The following SPATA6 variants were observed in gnomAD, a reference collection of about 807,000 sequenced individuals.
The protein encoded by SPATA6 is spermatogenesis associated 6, also known as spermatogenesis-associated protein 6.
In SPATA6, 56 loss-of-function variants were observed where a neutral mutation model predicts 65.3. The observed-to-expected ratio is 0.86, with a 90% CI of 0.69 to 1.07. The LOEUF (loss-of-function observed/expected upper bound fraction) is 1.07. Among genes scored for constraint, SPATA6 ranks in the 50% least tolerant of loss-of-function variants. SPATA6 has a pLI of 0.00. For missense variants in SPATA6, 590 were observed against 594.8 expected, an observed-to-expected ratio of 0.99 and a Z score of 0.08; for synonymous variants, 199 against 213.2, an observed-to-expected ratio of 0.93 and a Z score of 0.58.
intron 5 of SPATA6, among the ~76,000 whole-genome samples, chr1:48,409,604 C>T (rs758621175): frequency 6.6e-5 from 10 of 152,248 alleles, no homozygotes; most frequent in South Asian, 2.1e-4. Flanking sequence ...ATGAGCACCT[C>T]GCCCCTGCAG....
chr1:48,368,898 C>T (rs1388211410), intron 9 of SPATA6, among the ~76,000 whole-genome samples: 6 of 152,182 alleles, frequency 3.9e-5, no homozygotes, highest in African/African-American at 7.2e-5. Flanking sequence ...AGTTTTTCTG[C>T]TCTGTTTTTT....
chr1:48,388,993 C>A (rs1402065533), intron 8 of SPATA6, among the ~76,000 whole-genome samples: 1 of 152,080 alleles, frequency 6.6e-6, no homozygotes, highest in African/African-American at 2.4e-5. Context: ...TCAAGCAGCT[C>A]TCCTTCCTCA....
At chr1:48,399,208 C>T (rs1194929374) in intron 7 of SPATA6, 143 bp downstream of exon 7, 4 of 961,354 alleles carry the variant, frequency 4.2e-6, no homozygotes, top group Non-Finnish European at 5.9e-6. Flanking sequence ...AAATTAATTT[C>T]CCATCTTAGA....
chr1:48,303,670 C>T (rs1644992827), intron 12 of SPATA6, among the ~76,000 whole-genome samples: 1 of 152,118 alleles, frequency 6.6e-6, no homozygotes, highest in African/African-American at 2.4e-5. Flanking sequence ...CACTGATGGG[C>T]ACTTAGGTTG....
At chr1:48,292,356 T>C (rs1644773471), downstream of SPATA6, among the ~76,000 whole-genome samples, 1 of 152,214 alleles carries the variant, frequency 6.6e-6, no homozygotes. Flanking sequence ...CCACAACATT[T>C]GGCAACTATG....
chr1:48,283,199 G>T, the SPATA6 span, among the ~76,000 whole-genome samples: 3 of 103,760 alleles, frequency 2.9e-5, no homozygotes, highest in African/African-American at 3.9e-5. Context: ...GGGGGGAGGG[G>T]GGAGGGATAG....
intron 5 of SPATA6, among the ~76,000 whole-genome samples, chr1:48,408,849 C>T (rs1198613859): frequency 6.6e-6 from 1 of 152,102 alleles, no homozygotes; most frequent in African/African-American, 2.4e-5. Flanking sequence ...GTGAGAAAGA[C>T]CCATCCCCAT....
chr1:48,368,791 A>T (rs1647124856), intron 9 of SPATA6, among the ~76,000 whole-genome samples: 1 of 152,134 alleles, frequency 6.6e-6, no homozygotes, highest in Non-Finnish European at 1.5e-5. Context: ...TTCTTCTCTC[A>T]ACTCGTCAAC....
chr1:48,423,560 CTTTCTT>C (rs1285534633), intron 3 of SPATA6, among the ~76,000 whole-genome samples: 8 of 99,046 alleles, frequency 8.1e-5, no homozygotes, highest in African/African-American at 2.6e-4. Flanking sequence ...TTCTTTCTTT[CTTTCTT>C]TTTTTTTTTT....
At chr1:48,277,450 C>A in the SPATA6 span, among the ~76,000 whole-genome samples, 1 of 152,170 alleles carries the variant, frequency 6.6e-6, no homozygotes, top group South Asian at 2.1e-4. Flanking sequence ...ACAGATGGCA[C>A]CTGGAAAATT....
intron 3 of SPATA6, among the ~76,000 whole-genome samples, chr1:48,448,424 A>G (rs1656265424): frequency 6.6e-6 from 1 of 152,108 alleles, no homozygotes. Context: ...TCCACACTTA[A>G]CGTCATATGA....
chr1:48,265,989 C>A, the SPATA6 span, among the ~76,000 whole-genome samples: 1 of 152,132 alleles, frequency 6.6e-6, no homozygotes, highest in Non-Finnish European at 1.5e-5. Context: ...GAGTAGATTA[C>A]TGCATTTTAA....
downstream of SPATA6, among the ~76,000 whole-genome samples, chr1:48,295,037 C>T (rs181497807): frequency 6.6e-6 from 1 of 152,038 alleles, no homozygotes; most frequent in Admixed American, 6.6e-5. Context: ...TTTTATATAC[C>T]CTCTATTTCT....
At chr1:48,358,751 C>T (rs1311487019) in intron 10 of SPATA6, among the ~76,000 whole-genome samples, 1 of 152,172 alleles carries the variant, frequency 6.6e-6, no homozygotes, top group East Asian at 1.9e-4. Flanking sequence ...AGGCATGATT[C>T]TAATGGACTA....
At chr1:48,429,681 C>A (rs2265769) in intron 3 of SPATA6, among the ~76,000 whole-genome samples, 64,740 of 151,746 alleles carry the variant, frequency 0.43, 14,913 homozygotes, top group African/African-American at 0.62. Context: ...ATGGCAGATA[C>A]ACTAGAAAAA....
chr1:48,288,785 G>C, the SPATA6 span, among the ~76,000 whole-genome samples: 1 of 152,240 alleles, frequency 6.6e-6, no homozygotes, highest in East Asian at 1.9e-4. Context: ...CAAGGTGGCA[G>C]CAAGGCTGGG....
At chr1:48,266,902 AT>A in the SPATA6 span, among the ~76,000 whole-genome samples, 2 of 152,026 alleles carry the variant, frequency 1.3e-5, no homozygotes, top group Admixed American at 6.6e-5. Context: ...AGGATAGCAT[AT>A]TTTTTTCTAT....
intron 12 of SPATA6, among the ~76,000 whole-genome samples, chr1:48,304,375 A>G (rs1198216924): frequency 6.6e-6 from 1 of 152,232 alleles, no homozygotes. Flanking sequence ...AGCTTAATCA[A>G]TAACACTGCT....
Position 48,457,431 on chromosome 1 carries a change from CAAAAAAGA to C in SPATA6, c.52-4308_52-4301del, listed in dbSNP as rs370242670. On this transcript the variant is annotated intron_variant, in intron 1 of 12. Coordinates refer to ENST00000371847, the MANE Select transcript of SPATA6 (RefSeq NM_019073.4). ...TGGGCAACAGAGCAAGACTCCATCT[CAAAAAAGA>C]AAAAAAGAAAAAAAGAAGATAATCC... 8.0e-3 allele frequency among the ~76,000 whole-genome samples: 1,214 copies of C among 150,860 alleles called. 17 individuals are homozygous for C. The highest frequency in any genetic ancestry group is 0.027 in the African/African-American group (1,113 of 41,072).
Sources: allele counts gnomAD v4.1 joint callset (sites outside exome capture counted in the v4.1 genomes callset), GRCh38; gene constraint gnomAD v4.1.1; transcripts MANE v1.5; gene names NCBI Gene and HGNC (gene_info 2026-07-23, HGNC 2026-07-21).